The following CACNA1A variants were observed in gnomAD, a reference collection of about 807,000 sequenced individuals.
CACNA1A encodes the protein voltage-dependent P/Q-type calcium channel subunit alpha-1A.
Under a neutral mutation model 262.4 loss-of-function variants are expected in CACNA1A, and 57 were observed. The ratio of observed to expected loss-of-function variants is 0.22; its 90% CI spans 0.18 to 0.27. CACNA1A has a LOEUF of 0.27. Ranked by LOEUF, CACNA1A falls within the 10% of genes least tolerant of loss-of-function variation. The pLI is 1.00. For synonymous variants in CACNA1A, 1,431 were observed against 1,419.3 expected, an observed-to-expected ratio of 1.01 and a Z score of -0.18; for missense variants, 2,526 against 3,562.8, an observed-to-expected ratio of 0.71 and a Z score of 7.41.
intron 3 of CACNA1A, among the ~76,000 whole-genome samples, chr19:13,402,228 G>C (rs1375601756): frequency 6.6e-6 from 1 of 152,190 alleles, no homozygotes; most frequent in Non-Finnish European, 1.5e-5. Flanking sequence ...TCTCCCATTG[G>C]GGATGAGGAA....
At chr19:13,464,695 CCT>C (rs1249972392) in intron 1 of CACNA1A, among the ~76,000 whole-genome samples, 4 of 145,470 alleles carry the variant, frequency 2.7e-5, no homozygotes, top group African/African-American at 1.0e-4. Context: ...ATTACAGGCG[CCT>C]GCCACCGCGC....
rs796180797 is a variant in CACNA1A, at chr19:13,347,064, T to G, written c.979-11155A>C. Among the ~76,000 whole-genome samples, 269 of 76,662 alleles carry G rather than the reference T, an allele frequency of 3.5e-3. 2 individuals are homozygous for G. The highest frequency in any genetic ancestry group is 0.011 in the African/African-American group (263 of 24,498). 50.3% of individuals were successfully genotyped at this position (76,662 alleles called of 152,430 possible). ...CCTTCAGGTCTGTTTTTTTTGTTTT[T>G]TTGTTTTTTTTTTTTGAGACAGTTC... is the stretch of plus-strand genomic sequence containing the variant. On this transcript the variant is annotated intron_variant, in intron 6 of 46. Coordinates refer to ENST00000360228, the MANE Select transcript of CACNA1A (RefSeq NM_001127222.2).
intron 19 of CACNA1A, among the ~76,000 whole-genome samples, chr19:13,296,950 G>A (rs2057677929): frequency 6.6e-6 from 1 of 151,520 alleles, no homozygotes; most frequent in South Asian, 2.1e-4. Flanking sequence ...ATAGAGATGG[G>A]GTCTGCCTCT....
intron 3 of CACNA1A, among the ~76,000 whole-genome samples, chr19:13,416,847 A>T (rs1038789907): frequency 2.0e-5 from 3 of 151,984 alleles, no homozygotes; most frequent in African/African-American, 7.2e-5. Context: ...AATTTAAAAA[A>T]TCCAAAAATT....
chr19:13,486,372 C>G (rs1190099524), intron 1 of CACNA1A, among the ~76,000 whole-genome samples: 2 of 130,704 alleles, frequency 1.5e-5, no homozygotes, highest in South Asian at 2.5e-4. Context: ...TTCTGTCTCT[C>G]TCTCTCTCTC....
intron 26 of CACNA1A, chr19:13,260,020 G>A: frequency 3.9e-6 from 1 of 255,280 alleles, no homozygotes. Context: ...CTGGGGGTGG[G>A]GTGGAGGGAG....
At chr19:13,281,443 C>T (rs139355352) in intron 22 of CACNA1A, among the ~76,000 whole-genome samples, 1 of 151,184 alleles carries the variant, frequency 6.6e-6, no homozygotes, top group Non-Finnish European at 1.5e-5. Flanking sequence ...ACGCTCATTC[C>T]AGAAGCTGGG....
intron 3 of CACNA1A, among the ~76,000 whole-genome samples, chr19:13,392,269 G>A (rs1235405762): frequency 6.6e-6 from 1 of 152,130 alleles, no homozygotes; most frequent in Non-Finnish European, 1.5e-5. Flanking sequence ...ACTTAGTGAA[G>A]GCCAGTGCAT....
intron 6 of CACNA1A, among the ~76,000 whole-genome samples, chr19:13,343,763 TA>T (rs1206179526): frequency 1.3e-5 from 2 of 152,090 alleles, no homozygotes; most frequent in African/African-American, 4.8e-5. Flanking sequence ...GATGGAGACT[TA>T]AAAAATTTTG....
chr19:13,347,059 G>GTTTTTTTTTTTTTTTT (rs1207564258), intron 6 of CACNA1A, among the ~76,000 whole-genome samples: 2 of 58,390 alleles, frequency 3.4e-5, no homozygotes, highest in Non-Finnish European at 7.0e-5. Context: ...TGTTTTTTTT[G>GTTTTTTTTTTTTTTTT]TTTTTTTGTT....
At chr19:13,375,005 G>A (rs1320210797) in intron 3 of CACNA1A, among the ~76,000 whole-genome samples, 3 of 152,100 alleles carry the variant, frequency 2.0e-5, no homozygotes, top group Non-Finnish European at 2.9e-5. Context: ...TTGCTTTATT[G>A]CAATTTGTAG....
chr19:13,254,747 G>C (rs928580258), intron 29 of CACNA1A, among the ~76,000 whole-genome samples: 5 of 152,178 alleles, frequency 3.3e-5, no homozygotes, highest in African/African-American at 1.2e-4. Flanking sequence ...ATTCAGGGCT[G>C]AGGTCATCAT....
chr19:13,217,588 G>A (rs1474234262), intron 38 of CACNA1A, among the ~76,000 whole-genome samples: 1 of 152,160 alleles, frequency 6.6e-6, no homozygotes, highest in African/African-American at 2.4e-5. Context: ...AGGACAAGAG[G>A]TGGAGGGGCT....
In CACNA1A at chr19:13,235,006, C is replaced by T; in HGVS notation, c.5164G>A (p.Asp1722Asn). The T allele has an allele frequency of 6.2e-7, 1 of 1,613,816 alleles. No individual in the cohort carries two copies. Among genetic ancestry groups the T allele is most frequent in the Non-Finnish European group, 8.5e-7 (1 of 1,179,676 alleles). Residue 1722 changes from aspartate to asparagine, a missense_variant, in exon 34 of 47, where the codon GAC becomes AAC. By Grantham distance (23) the Asp-to-Asn change is conservative (BLOSUM62 1). Transcript: ENST00000360228. ...VFGNIGIDVE[D>N]EDSDEDEFQI... Reference sequence around the variant, plus strand: ...AACTCATCTTCATCACTGTCCTCGTCCTCCACGTCGATGCCAATGTTACCA... The same window carrying T: ...AACTCATCTTCATCACTGTCCTCGTTCTCCACGTCGATGCCAATGTTACCA...
At chr19:13,261,762 T>C (rs2056739209) in intron 25 of CACNA1A, 152 bp from the exon 26 acceptor site, 7 of 696,280 alleles carry the variant, frequency 1.0e-5, no homozygotes, top group Non-Finnish European at 1.7e-5. Flanking sequence ...TCCCCCCAGC[T>C]TTCAGAAATA....
chr19:13,438,336 T>G (rs1376137148), intron 3 of CACNA1A, among the ~76,000 whole-genome samples: 2 of 152,256 alleles, frequency 1.3e-5, no homozygotes, highest in Non-Finnish European at 2.9e-5. Context: ...CATTGCTTGC[T>G]TTGGACAACA....
At chr19:13,402,869 CACACATATATATATATATATATATAT>C (rs1258426273) in intron 3 of CACNA1A, among the ~76,000 whole-genome samples, 1 of 75,682 alleles carries the variant, frequency 1.3e-5, no homozygotes, top group East Asian at 4.1e-4. Flanking sequence ...CACACACACA[CACACATATATATATATATATATATAT>C]ATATATATAT....
intron 3 of CACNA1A, among the ~76,000 whole-genome samples, chr19:13,425,219 A>G (rs1599424762): frequency 6.6e-6 from 1 of 152,318 alleles, no homozygotes; most frequent in African/African-American, 2.4e-5. Context: ...GAAAGGCCTG[A>G]CAATTAGTAG....
At chr19:13,344,595 C>T (rs1302210623) in intron 6 of CACNA1A, among the ~76,000 whole-genome samples, 1 of 152,138 alleles carries the variant, frequency 6.6e-6, no homozygotes, top group Non-Finnish European at 1.5e-5. Flanking sequence ...TCATCTTGAT[C>T]ATCAGCTCCT....
Sources: gnomAD v4.1 joint callset for allele counts (sites outside exome capture counted in the v4.1 genomes callset) on GRCh38, gnomAD v4.1.1 for gene constraint, MANE v1.5 for transcripts, NCBI Gene and HGNC (gene_info 2026-07-23, HGNC 2026-07-21) for gene names.